Variants in NRXN3 observed in about 807,000 individuals in gnomAD.
NRXN3 encodes the protein neurexin 3.
Under a neutral mutation model 137.6 loss-of-function variants are expected in NRXN3, and 32 were observed. That is an observed-to-expected ratio of 0.23 (90% CI 0.18 to 0.31). The LOEUF (loss-of-function observed/expected upper bound fraction) is 0.31. Ranked by LOEUF, NRXN3 falls within the 10% of genes least tolerant of loss-of-function variation. The pLI is 1.00. For synonymous variants in NRXN3, 798 were observed against 784.5 expected (o/e 1.02, Z -0.29); for missense variants, 1,574 against 2,062.5 (o/e 0.76, Z 4.59).
intron 4 of NRXN3, among the ~76,000 whole-genome samples, chr14:78,592,654 T>C (rs1260999865): frequency 6.6e-6 from 1 of 152,226 alleles, no homozygotes; most frequent in African/African-American, 2.4e-5. Context: ...CCATAAAATT[T>C]CATTAGCACT....
At chr14:79,450,547 A>T (rs1216934142) in intron 15 of NRXN3, among the ~76,000 whole-genome samples, 2 of 151,592 alleles carry the variant, frequency 1.3e-5, no homozygotes, top group Non-Finnish European at 2.9e-5. Context: ...CCATAATTAT[A>T]TATAATTATG....
At chr14:78,631,629 G>A (rs2097523890) in intron 4 of NRXN3, among the ~76,000 whole-genome samples, 1 of 152,174 alleles carries the variant, frequency 6.6e-6, no homozygotes, top group South Asian at 2.1e-4. Context: ...AATACTCTCA[G>A]TTTTGTTGTT....
At chr14:79,412,782 CAAA>C (rs71103803) in intron 15 of NRXN3, among the ~76,000 whole-genome samples, 676 of 59,710 alleles carry the variant, frequency 0.011, 4 homozygotes, top group African/African-American at 0.042. Flanking sequence ...GACTCTGTCT[CAAA>C]AAAAAAAAAA....
chr14:78,990,728 T>A (rs1294812810), intron 15 of NRXN3, among the ~76,000 whole-genome samples: 1 of 152,170 alleles, frequency 6.6e-6, no homozygotes, highest in Non-Finnish European at 1.5e-5. Flanking sequence ...AGTTTGAATA[T>A]AAACTTTTAA....
rs182561882 is a variant in NRXN3 at position 78,217,091 on chromosome 14, A to G, written c.-703-25300A>G. On this transcript the variant is annotated intron_variant, in intron 1 of 20. Transcript: ENST00000335750. Reference sequence around the variant, plus strand: ...GACTTCAACATGTCTTTCTCAGCCCACAACACCTCATCTTAGTCTAGCCTT... The same window carrying G: ...GACTTCAACATGTCTTTCTCAGCCCGCAACACCTCATCTTAGTCTAGCCTT... Among the ~76,000 whole-genome samples, 570 of 152,334 alleles carry G rather than the reference A, an allele frequency of 3.7e-3. 4 individuals carry two copies. Among genetic ancestry groups the G allele is most frequent in the African/African-American group, 0.013 (549 of 41,578 alleles).
chr14:79,090,949 C>T (rs2049044363), intron 15 of NRXN3, among the ~76,000 whole-genome samples: 1 of 152,032 alleles, frequency 6.6e-6, no homozygotes, highest in Admixed American at 6.6e-5. Flanking sequence ...AGCAGATGTC[C>T]CAGAGCACAC....
intron 8 of NRXN3, among the ~76,000 whole-genome samples, chr14:78,769,978 A>C (rs926831971): frequency 6.6e-6 from 1 of 151,718 alleles, no homozygotes; most frequent in South Asian, 2.1e-4. Flanking sequence ...AAAAGGCCGC[A>C]TGGGATGTTC....
At chr14:79,614,255 G>A (rs2098132950) in intron 16 of NRXN3, among the ~76,000 whole-genome samples, 1 of 152,128 alleles carries the variant, frequency 6.6e-6, no homozygotes, top group African/African-American at 2.4e-5. Flanking sequence ...AAGCACAAAG[G>A]GAATAGAAGA....
intron 15 of NRXN3, among the ~76,000 whole-genome samples, chr14:79,083,515 A>G (rs939979358): frequency 6.6e-6 from 1 of 152,254 alleles, no homozygotes; most frequent in African/African-American, 2.4e-5. Flanking sequence ...GAAACCGTCA[A>G]CTGGATTCAT....
rs142919402 is a variant in NRXN3, at chr14:79,861,910, C to A, written c.4662C>A (p.Ser1554Arg). The A allele has an allele frequency of 4.3e-6, 7 of 1,613,730 alleles. No individual in the cohort carries two copies. In the African/African-American group the frequency reaches 8.0e-5, roughly 18 times the overall value. The change falls in exon 21 of 21, where the codon AGC becomes AGA. Residue 1554 changes from serine (S) to arginine (R), a missense_variant. By Grantham distance (110) the Ser-to-Arg change is moderately radical (BLOSUM62 -1). This residue lies in a region of NRXN3 where 320 missense variants were observed against 387.1 expected (regional missense o/e 0.83). Transcript: ENST00000335750. This position sits in a 1 kb window ranked among gnomAD's most constrained non-coding sequence, Gnocchi z 5.4. ...CGCTCATGAAGGAGAAGCAGCAGAGCTCGAAGAGCGGCCACAAGAAACAGA... is the reference window on the plus strand; with the variant it reads ...CGCTCATGAAGGAGAAGCAGCAGAGATCGAAGAGCGGCCACAAGAAACAGA... ...NGTLMKEKQQ[S>R]SKSGHKKQKN...
At position 78,820,660 on chromosome 14, in the gene NRXN3, C is replaced by T. The variant is rs570158092; in HGVS notation, c.2275+10316C>T. On this transcript the variant is annotated intron_variant, in intron 10 of 20. Transcript: ENST00000335750. ...GCCAGCCCTCTGTCAGCAGCACTGTCCTCAAAGATTCCTCAAGGGACCCTG... is the reference window on the plus strand; with the variant it reads ...GCCAGCCCTCTGTCAGCAGCACTGTTCTCAAAGATTCCTCAAGGGACCCTG... Among the ~76,000 whole-genome samples, 21 of 152,198 alleles carry T rather than the reference C, an allele frequency of 1.4e-4. No homozygotes were observed. In the South Asian group the frequency reaches 4.2e-3, roughly 30 times the overall value.
At chr14:79,676,558 C>T (rs1355457316) in intron 17 of NRXN3, among the ~76,000 whole-genome samples, 1 of 151,214 alleles carries the variant, frequency 6.6e-6, no homozygotes, top group African/African-American at 2.4e-5. Context: ...GATAATTTGC[C>T]AAGAGAGTAG....
At chr14:79,166,230 C>T (rs1288634954) in intron 15 of NRXN3, among the ~76,000 whole-genome samples, 1 of 151,970 alleles carries the variant, frequency 6.6e-6, no homozygotes, top group African/African-American at 2.4e-5. Context: ...GGGGTAAACA[C>T]TGCCTAGAAT....
intron 16 of NRXN3, among the ~76,000 whole-genome samples, chr14:79,641,282 A>G (rs1297399280): frequency 7.4e-6 from 1 of 135,460 alleles, no homozygotes; most frequent in Non-Finnish European, 1.7e-5. Flanking sequence ...TGCTGGGATT[A>G]CAGGCATGAG....
intron 15 of NRXN3, among the ~76,000 whole-genome samples, chr14:79,165,558 C>G (rs1016199449): frequency 1.3e-5 from 2 of 151,984 alleles, no homozygotes; most frequent in African/African-American, 4.8e-5. Context: ...CACACACAAT[C>G]CAACCTCTGG....
intron 15 of NRXN3, among the ~76,000 whole-genome samples, chr14:79,388,523 T>A (rs2094722462): frequency 6.6e-6 from 1 of 152,156 alleles, no homozygotes; most frequent in African/African-American, 2.4e-5. Context: ...CCCAAGACAG[T>A]TCTTTCAGAG....
chr14:78,438,718 CA>C (rs1007365734), intron 4 of NRXN3, among the ~76,000 whole-genome samples: 32 of 152,034 alleles, frequency 2.1e-4, no homozygotes, highest in African/African-American at 7.7e-4. Context: ...CCCTGAGGGA[CA>C]ATAACACTCG....
chr14:79,236,894 T>C (rs1346465713), intron 15 of NRXN3, among the ~76,000 whole-genome samples: 1 of 152,082 alleles, frequency 6.6e-6, no homozygotes, highest in East Asian at 1.9e-4. Context: ...GCCTGGGTGA[T>C]AGAGTAAGAC....
intron 16 of NRXN3, among the ~76,000 whole-genome samples, chr14:79,662,755 A>G (rs1177138896): frequency 6.6e-6 from 1 of 152,108 alleles, no homozygotes; most frequent in Non-Finnish European, 1.5e-5. Flanking sequence ...CAGGAACAAG[A>G]GAGACACAGG....
Sources: gnomAD v4.1 joint callset for allele counts (sites outside exome capture counted in the v4.1 genomes callset) on GRCh38, gnomAD v4.1.1 for gene constraint, gnomAD v4.1.1 regional missense constraint, Gnocchi (gnomAD v3.1) non-coding constraint, MANE v1.5 for transcripts, NCBI Gene and HGNC (gene_info 2026-07-23, HGNC 2026-07-21) for gene names.